The following CNTNAP3 variants were observed in gnomAD, a reference collection of about 807,000 sequenced individuals.
CNTNAP3 encodes the protein contactin associated protein family member 3, also known as contactin-associated protein-like 3.
A neutral mutation model predicts 92.1 loss-of-function variants in CNTNAP3; 36 were observed. The observed-to-expected ratio is 0.39, with a 90% confidence interval of 0.30 to 0.52. CNTNAP3 has a LOEUF of 0.52. CNTNAP3 is among the 20% of genes least tolerant of loss of function. The probability of loss-of-function intolerance (pLI) is 0.76; values close to 1 mark genes in which losing one functional copy is unlikely to be tolerated. For missense variants in CNTNAP3, 534 were observed against 1,069.6 expected, an observed-to-expected ratio of 0.50 and a Z score of 6.98; for synonymous variants, 232 against 422.3, an observed-to-expected ratio of 0.55 and a Z score of 5.53.
intron 14 of CNTNAP3, among the ~76,000 whole-genome samples, chr9:39,115,008 T>A (rs1365241479): frequency 6.6e-6 from 1 of 151,276 alleles, no homozygotes; most frequent in Admixed American, 6.6e-5. Flanking sequence ...ATAGTGCCTT[T>A]TAAATATATT....
chr9:39,136,233 G>T (rs948458764), intron 12 of CNTNAP3, among the ~76,000 whole-genome samples: 1 of 151,930 alleles, frequency 6.6e-6, no homozygotes, highest in African/African-American at 2.4e-5. Flanking sequence ...TCGCAATATT[G>T]TAAGTAGAAC....
At chr9:39,087,404 T>A (rs1267492246) in intron 19 of CNTNAP3, among the ~76,000 whole-genome samples, 1 of 152,276 alleles carries the variant, frequency 6.6e-6, no homozygotes, top group Non-Finnish European at 1.5e-5. Context: ...CTAATATACA[T>A]ACCCCTCTCC....
intron 11 of CNTNAP3, among the ~76,000 whole-genome samples, chr9:39,142,079 A>G (rs1821590438): frequency 6.6e-6 from 1 of 152,122 alleles, no homozygotes; most frequent in Admixed American, 6.5e-5. Flanking sequence ...ATACTTTTTC[A>G]ATCTCCTGAT....
intron 19 of CNTNAP3, 100 bp downstream of exon 19, chr9:39,088,323 C>G (rs999479165): frequency 3.0e-6 from 3 of 1,004,680 alleles, no homozygotes; most frequent in Non-Finnish European, 4.4e-6. Context: ...ATACAGTTTT[C>G]TCTCATCGTT....
intron 16 of CNTNAP3, 112 bp from the exon 17 acceptor site, chr9:39,102,827 G>T: frequency 3.0e-6 from 4 of 1,322,172 alleles, no homozygotes; most frequent in Non-Finnish European, 3.2e-6. Context: ...TAATGACGGC[G>T]ATGCAGAAAA....
intron 14 of CNTNAP3, 110 bp from the exon 15 acceptor site, chr9:39,109,397 T>C: frequency 1.3e-6 from 2 of 1,487,536 alleles, no homozygotes; most frequent in Non-Finnish European, 1.8e-6. Context: ...CTTAACAGAA[T>C]ACTTAACATT....
Position 39,109,261 on chromosome 9 carries a change from T to G in CNTNAP3, c.2264A>C (p.Gln755Pro). The G allele has an allele frequency of 1.9e-6, 3 of 1,612,166 alleles. No homozygotes were observed. Among genetic ancestry groups the G allele is most frequent in the Non-Finnish European group, 2.5e-6 (3 of 1,179,756 alleles). ...EWTSDTIVLS[Q>P]KEHLPVTQIV... is the part of the protein sequence containing the mutation. The stretch of plus-strand genomic sequence containing the variant: ...CTGAGTGACTGGCAGGTGCTCCTTT[T>G]GGGAAAGGACTATTGTGTCACTAGT... The change falls in exon 15 of 24, where the codon CAA becomes CCA. Residue 755 changes from glutamine to proline, a missense_variant. By Grantham distance (76) the Gln-to-Pro change is moderately conservative (BLOSUM62 -1). Coordinates refer to ENST00000297668, the MANE Select transcript of CNTNAP3 (RefSeq NM_033655.5).
chr9:39,090,421 G>A (rs575267022), intron 18 of CNTNAP3, among the ~76,000 whole-genome samples: 150 of 152,328 alleles, frequency 9.8e-4, no homozygotes, highest in Middle Eastern at 3.4e-3. Flanking sequence ...GTATGTGTGA[G>A]ATAGAGGTCT....
chr9:39,126,482 A>C (rs1361005924), intron 13 of CNTNAP3, among the ~76,000 whole-genome samples: 1 of 152,132 alleles, frequency 6.6e-6, no homozygotes, highest in Non-Finnish European at 1.5e-5. Context: ...AAACCAGCAA[A>C]ACCTTACAAA....
intron 23 of CNTNAP3, among the ~76,000 whole-genome samples, chr9:39,078,088 C>T (rs1462414198): frequency 6.6e-6 from 1 of 152,284 alleles, no homozygotes; most frequent in Non-Finnish European, 1.5e-5. Context: ...ACTCTTATAA[C>T]CCTAACTATT....
intron 23 of CNTNAP3, among the ~76,000 whole-genome samples, chr9:39,074,729 C>G (rs1299718856): frequency 6.6e-6 from 1 of 152,194 alleles, no homozygotes; most frequent in Non-Finnish European, 1.5e-5. Flanking sequence ...GAAATGGATA[C>G]ATTTTAATGA....
At chr9:39,095,035 G>T (rs62569970) in intron 18 of CNTNAP3, among the ~76,000 whole-genome samples, 13,634 of 140,562 alleles carry the variant, frequency 0.097, 718 homozygotes, top group South Asian at 0.15. Flanking sequence ...AGTTTTCAAT[G>T]TCTAAGTCTT....
chr9:39,137,593 T>C lies in CNTNAP3; in HGVS notation c.1876+2926A>G, dbSNP rs370795897. 2.6e-5 allele frequency among the ~76,000 whole-genome samples: 4 copies of C among 152,156 alleles called. No homozygotes were observed. The East Asian group carries it at 7.7e-4, about 29-fold the overall frequency. On this transcript the variant is annotated intron_variant, in intron 12 of 23. Coordinates refer to ENST00000297668, the MANE Select transcript of CNTNAP3 (RefSeq NM_033655.5). ...AGTGGCATGATCTCAGCTCACTGCA[T>C]GCTCCGCCTCCCGGATTCATGCCAT...
At chr9:39,142,080 A>G (rs1420877219) in intron 11 of CNTNAP3, among the ~76,000 whole-genome samples, 2 of 152,106 alleles carry the variant, frequency 1.3e-5, no homozygotes, top group African/African-American at 4.8e-5. Flanking sequence ...TACTTTTTCA[A>G]TCTCCTGATA....
In CNTNAP3 at chr9:39,069,628, G is replaced by A. The variant is rs1825595315; in HGVS notation, c.*4262C>T. Among the ~76,000 whole-genome samples the A allele has an allele frequency of 6.6e-6, 1 of 152,306 alleles. No homozygotes were observed. Among genetic ancestry groups the A allele is most frequent in the Non-Finnish European group, 1.5e-5 (1 of 68,056 alleles). ...TAAAAAAAATACCACAGGAAGTAGT[G>A]CTTCAGTACATTTTCCCGACGATAT... On this transcript the variant is annotated 3_prime_UTR_variant, in exon 24 of 24. Transcript: ENST00000297668.
intron 21 of CNTNAP3, among the ~76,000 whole-genome samples, chr9:39,084,797 T>C (rs888195686): frequency 1.3e-5 from 2 of 152,052 alleles, no homozygotes; most frequent in Non-Finnish European, 1.5e-5. Flanking sequence ...GTTTTATTAA[T>C]GTTTGATGAT....
At chr9:39,085,851 A>G in intron 20 of CNTNAP3, 28 bp from the exon 21 acceptor site, 2 of 1,505,046 alleles carry the variant, frequency 1.3e-6, no homozygotes, top group South Asian at 2.3e-5. Flanking sequence ...AGAAGCAAAC[A>G]TCAACAGAAA....
intron 18 of CNTNAP3, among the ~76,000 whole-genome samples, chr9:39,096,764 C>T (rs559956827): frequency 3.6e-4 from 54 of 151,724 alleles, no homozygotes; most frequent in South Asian, 1.9e-3. Flanking sequence ...TTGATCCTGG[C>T]GTTTCCTTGT....
At position 39,116,424 on chromosome 9, in the gene CNTNAP3, C is replaced by T. The variant is rs1301208729; in HGVS notation, c.2237+1679G>A. Among the ~76,000 whole-genome samples the T allele has an allele frequency of 9.9e-5, 15 of 152,062 alleles. 1 individual carries two copies. Among genetic ancestry groups the T allele is most frequent in the Admixed American group, 9.8e-4 (15 of 15,268 alleles). ...GATGTCCGTCAAAAGATTTGAAGGT[C>T]GCTGTTTGTCTCATTAGAGCCCAAA... is the stretch of plus-strand genomic sequence containing the variant. On this transcript the variant is annotated intron_variant, in intron 14 of 23. Transcript: ENST00000297668.
Sources: allele counts gnomAD v4.1 joint callset (sites outside exome capture counted in the v4.1 genomes callset), GRCh38; gene constraint gnomAD v4.1.1; transcripts MANE v1.5; gene names NCBI Gene and HGNC (gene_info 2026-07-23, HGNC 2026-07-21).